PIAS1: variants seen among roughly 807,000 people sequenced by gnomAD.
The protein encoded by PIAS1 is protein inhibitor of activated STAT 1, also known as E3 SUMO-protein ligase PIAS1.
PIAS1 carries 6 observed loss-of-function variants against 71.3 expected under a neutral mutation model. The ratio of observed to expected loss-of-function variants is 0.08; its 90% CI spans 0.05 to 0.17. The LOEUF (loss-of-function observed/expected upper bound fraction) is 0.17, where lower values mean the gene tolerates loss of function less well. PIAS1 is among the 10% of genes least tolerant of loss of function. PIAS1 has a pLI of 1.00. For synonymous variants in PIAS1, 303 were observed against 292.9 expected (o/e 1.03, Z -0.35); for missense variants, 555 against 793.6 (o/e 0.70, Z 3.61).
At chr15:68,075,601 C>G (rs1422757165) in intron 1 of PIAS1, among the ~76,000 whole-genome samples, 1 of 152,034 alleles carries the variant, frequency 6.6e-6, no homozygotes, top group African/African-American at 2.4e-5. Flanking sequence ...GTAGAATATT[C>G]AAGTGAAAGT....
intron 2 of PIAS1, among the ~76,000 whole-genome samples, chr15:68,131,819 A>AACAT (rs2092689381): frequency 6.6e-6 from 1 of 152,078 alleles, no homozygotes; most frequent in Non-Finnish European, 1.5e-5. Context: ...TGAACATGGG[A>AACAT]GTGTAGACAT....
chr15:68,118,659 G>A (rs2092586536), intron 2 of PIAS1, among the ~76,000 whole-genome samples: 1 of 152,168 alleles, frequency 6.6e-6, no homozygotes, highest in East Asian at 1.9e-4. Flanking sequence ...TTTTTTGACA[G>A]TAGCCATTCT....
chr15:68,098,941 A>G (rs2092400695), intron 2 of PIAS1, among the ~76,000 whole-genome samples: 1 of 152,118 alleles, frequency 6.6e-6, no homozygotes, highest in Admixed American at 6.5e-5. Context: ...GATGTTGCCA[A>G]ATTTCCCTCT....
rs1266028583 is a variant in PIAS1, at chr15:68,190,999, A to G, written c.*3164A>G. 2 of 152,450 alleles carry G rather than the reference A, an allele frequency of 1.3e-5. No individual in the cohort carries two copies. The highest frequency in any genetic ancestry group is 3.9e-4 in the East Asian group (2 of 5,194). The allele number at this position is 152,450 out of a possible 1,614,324, so 9.4% of individuals were successfully genotyped here. A position where few individuals can be genotyped will look rare whatever the true frequency, so the allele number is the denominator to read the frequency against. On this transcript the variant is annotated 3_prime_UTR_variant, in exon 14 of 14. Coordinates refer to ENST00000249636, the MANE Select transcript of PIAS1 (RefSeq NM_016166.3). This position sits in a 1 kb window ranked among gnomAD's most constrained non-coding sequence, Gnocchi z 4.7. The stretch of plus-strand genomic sequence containing the variant: ...AAAGAGCATTTTTTTAGACAATTTC[A>G]ATTTTAAACACATAAAACTTTCAAG...
chr15:68,067,250 TG>T (rs2092039636), intron 1 of PIAS1, among the ~76,000 whole-genome samples: 1 of 152,182 alleles, frequency 6.6e-6, no homozygotes, highest in African/African-American at 2.4e-5. Flanking sequence ...GTAACCATCC[TG>T]TATGTTCAGA....
rs1239625354 is a variant in PIAS1, at chr15:68,054,624, C to T, written c.24+274C>T. 2.6e-6 allele frequency: 1 copy of T among 380,928 alleles called. No homozygotes were observed. The highest frequency in any genetic ancestry group is 4.7e-6 in the Non-Finnish European group (1 of 212,520). 23.6% of individuals were successfully genotyped at this position (380,928 alleles called of 1,614,324 possible). On this transcript the variant is annotated intron_variant, in intron 1 of 13. Transcript: ENST00000249636. This position sits in a 1 kb window ranked among gnomAD's most constrained non-coding sequence, Gnocchi z 4.6. ...GGTGGCGGGGGAAGAGATAGGGAGT[C>T]CGGAGGTAGGGGCTGCAGCTGTCTC...
chr15:68,057,452 C>G, intron 1 of PIAS1: 1 of 420,770 alleles, frequency 2.4e-6, no homozygotes, highest in South Asian at 1.7e-5. Context: ...AAACTCAAAC[C>G]AAGTTATAGT....
At chr15:68,164,368 A>G (rs2092943291) in intron 7 of PIAS1, among the ~76,000 whole-genome samples, 1 of 152,162 alleles carries the variant, frequency 6.6e-6, no homozygotes, top group East Asian at 1.9e-4. Flanking sequence ...AATATTAGTC[A>G]TAGTTTAAAA....
chr15:68,116,980 G>A (rs1442876763), intron 2 of PIAS1, among the ~76,000 whole-genome samples: 2 of 152,124 alleles, frequency 1.3e-5, no homozygotes, highest in Non-Finnish European at 2.9e-5. Context: ...GTAGTGTTCA[G>A]GTCAGAATAA....
chr15:68,134,826 G>A (rs1344313603), intron 2 of PIAS1, among the ~76,000 whole-genome samples: 1 of 47,338 alleles, frequency 2.1e-5, no homozygotes, highest in Non-Finnish European at 8.6e-5. Flanking sequence ...CGGATGGGGC[G>A]GCTGGCCGGG....
chr15:68,185,343 A>T lies in PIAS1; in HGVS notation c.1662+1676A>T, dbSNP rs1261149211. On this transcript the variant is annotated intron_variant, in intron 13 of 13. Coordinates refer to ENST00000249636, the MANE Select transcript of PIAS1 (RefSeq NM_016166.3). The surrounding 1 kb of genome is among the most constrained non-coding windows in gnomAD (Gnocchi z 4.4). ...TGTCACCAAGGAGTATGTGAATGAC[A>T]TCTAGAAGACACTGAAGAAGTTTGT... Among the ~76,000 whole-genome samples the T allele has an allele frequency of 1.3e-5, 2 of 152,196 alleles. No individual in the cohort carries two copies. Among genetic ancestry groups the T allele is most frequent in the African/African-American group, 4.8e-5 (2 of 41,440 alleles).
chr15:68,172,377 T>C, intron 8 of PIAS1, among the ~76,000 whole-genome samples: 1 of 152,336 alleles, frequency 6.6e-6, no homozygotes, highest in East Asian at 1.9e-4. Context: ...TAAACATACG[T>C]GTCCAGTGTG....
chr15:68,123,155 G>T (rs978067916), intron 2 of PIAS1, among the ~76,000 whole-genome samples: 1 of 152,118 alleles, frequency 6.6e-6, no homozygotes, highest in Non-Finnish European at 1.5e-5. Context: ...AGGCTAAAGT[G>T]GTCCTCCTGC....
chr15:68,072,135 A>G (rs1482037529), intron 1 of PIAS1, among the ~76,000 whole-genome samples: 1 of 151,394 alleles, frequency 6.6e-6, no homozygotes, highest in African/African-American at 2.4e-5. Context: ...GCAGTGGTTC[A>G]TGCCTGTAAT....
intron 2 of PIAS1, among the ~76,000 whole-genome samples, chr15:68,132,641 CTTATGG>C (rs1461054185): frequency 6.6e-6 from 1 of 152,008 alleles, no homozygotes; most frequent in Non-Finnish European, 1.5e-5. Context: ...TTTTTCCTTA[CTTATGG>C]TTAAGGGAAG....
intron 2 of PIAS1, among the ~76,000 whole-genome samples, chr15:68,095,526 TC>T (rs2092367034): frequency 6.6e-6 from 1 of 151,112 alleles, no homozygotes. Flanking sequence ...TTTAAGACAT[TC>T]TTTTTTTTTT....
Position 68,054,518 on chromosome 15 carries a change from G to A in PIAS1, c.24+168G>A. On this transcript the variant is annotated intron_variant, in intron 1 of 13. Transcript: ENST00000249636. The surrounding 1 kb of genome is among the most constrained non-coding windows in gnomAD (Gnocchi z 4.6). ...GTCTCAGCAGAGGGGGCCCGCCTGC[G>A]GCGGGCCGCGGGCCCCGGGTGCCTC... 3.4e-6 allele frequency: 2 copies of A among 588,586 alleles called. No homozygotes were observed. The allele number at this position is 588,586 out of a possible 1,614,324, so 36.5% of individuals were successfully genotyped here.
At chr15:68,152,224 C>T (rs900484042) in intron 6 of PIAS1, among the ~76,000 whole-genome samples, 4 of 152,078 alleles carry the variant, frequency 2.6e-5, no homozygotes, top group Non-Finnish European at 5.9e-5. Context: ...GCTGGGATTA[C>T]AGTCATGAGC....
At chr15:68,184,406 G>A (rs2093074367) in intron 13 of PIAS1, 1 of 152,196 alleles carries the variant, frequency 6.6e-6, no homozygotes, top group South Asian at 2.1e-4. Flanking sequence ...CAGATATGGA[G>A]AAACTTGTTA....
Sources: gnomAD v4.1 joint callset for allele counts (sites outside exome capture counted in the v4.1 genomes callset) on GRCh38, gnomAD v4.1.1 for gene constraint, Gnocchi (gnomAD v3.1) non-coding constraint, MANE v1.5 for transcripts, NCBI Gene and HGNC (gene_info 2026-07-23, HGNC 2026-07-21) for gene names.